The following GABRB1 variants were observed in gnomAD, a reference collection of about 807,000 sequenced individuals.
The protein encoded by GABRB1 is gamma-aminobutyric acid type A receptor subunit beta1.
In GABRB1, 17 loss-of-function variants were observed where a neutral mutation model predicts 51.6. The ratio of observed to expected loss-of-function variants is 0.33; its 90% CI spans 0.23 to 0.49. The LOEUF is 0.49. Ranked by LOEUF, GABRB1 falls within the 20% of genes least tolerant of loss-of-function variation. GABRB1 has a pLI of 0.99. For missense variants in GABRB1, 410 were observed against 600.6 expected (o/e 0.68, Z 3.32); for synonymous variants, 247 against 218.9 (o/e 1.13, Z -1.14).
At chr4:46,996,740 T>C (rs1002367994) in intron 1 of GABRB1, among the ~76,000 whole-genome samples, 1 of 152,194 alleles carries the variant, frequency 6.6e-6, no homozygotes, top group African/African-American at 2.4e-5. Flanking sequence ...AGATTGTAAG[T>C]CTCTTGCAGG....
intron 4 of GABRB1, among the ~76,000 whole-genome samples, chr4:47,272,571 C>T (rs1315044970): frequency 6.6e-6 from 1 of 151,884 alleles, no homozygotes; most frequent in African/African-American, 2.4e-5. Context: ...AGAAATTAAT[C>T]AGTGAAAATA....
intron 3 of GABRB1, among the ~76,000 whole-genome samples, chr4:47,049,216 G>C (rs1726237405): frequency 6.6e-6 from 1 of 152,142 alleles, no homozygotes; most frequent in Admixed American, 6.6e-5. Context: ...CGATTTGTTT[G>C]TTTGAGTTCA....
At chr4:47,154,163 A>G (rs1717580374) in intron 3 of GABRB1, among the ~76,000 whole-genome samples, 1 of 151,974 alleles carries the variant, frequency 6.6e-6, no homozygotes, top group Non-Finnish European at 1.5e-5. Flanking sequence ...TATTAGAAAC[A>G]GGTGTTTTGT....
At chr4:47,058,545 A>G (rs1726714937) in intron 3 of GABRB1, among the ~76,000 whole-genome samples, 2 of 152,140 alleles carry the variant, frequency 1.3e-5, no homozygotes, top group African/African-American at 4.8e-5. Context: ...GCTTTTGGGG[A>G]TATGATTCAC....
At chr4:47,335,373 T>C (rs1725660283) in intron 5 of GABRB1, among the ~76,000 whole-genome samples, 1 of 152,182 alleles carries the variant, frequency 6.6e-6, no homozygotes, top group Admixed American at 6.6e-5. Context: ...AGGGAAGGTA[T>C]GTTACATAAT....
At chr4:47,066,576 A>G (rs369408231) in intron 3 of GABRB1, among the ~76,000 whole-genome samples, 1 of 152,220 alleles carries the variant, frequency 6.6e-6, no homozygotes, top group African/African-American at 2.4e-5. Context: ...TTCATTTGGC[A>G]TAAATTCCAT....
At chr4:47,229,323 C>T (rs556459043) in intron 4 of GABRB1, among the ~76,000 whole-genome samples, 2 of 152,070 alleles carry the variant, frequency 1.3e-5, no homozygotes, top group Admixed American at 6.6e-5. Context: ...ATAAGAGGGG[C>T]CAAATGTATG....
Position 47,161,258 on chromosome 4 carries a change from C to T in GABRB1, c.250C>T (p.Leu84Phe), listed in dbSNP as rs770996032. ...TTTCTTTATTTCACAGGATTATACA[C>T]TCACCATGTATTTCCAGCAGTCTTG... ...MVSEVNMDYT[L>F]TMYFQQSWKD... Residue 84 changes from leucine (L) to phenylalanine (F), a missense_variant, in exon 4 of 9, where the codon CTC (leucine) becomes TTC (phenylalanine). Coordinates refer to ENST00000295454, the MANE Select transcript of GABRB1 (RefSeq NM_000812.4). 1.3e-6 allele frequency: 2 copies of T among 1,581,934 alleles called. No individual in the cohort carries two copies. Among genetic ancestry groups the T allele is most frequent in the Non-Finnish European group, 8.7e-7 (1 of 1,154,668 alleles).
intron 8 of GABRB1, among the ~76,000 whole-genome samples, chr4:47,417,004 A>G (rs1728946614): frequency 6.6e-6 from 1 of 152,188 alleles, no homozygotes; most frequent in African/African-American, 2.4e-5. Context: ...AAGTAGAGCA[A>G]TTTGGACCTA....
intron 5 of GABRB1, 51 bp downstream of exon 5, chr4:47,320,260 G>T (rs572503511): frequency 8.5e-7 from 1 of 1,181,814 alleles, no homozygotes; most frequent in East Asian, 2.3e-5. Context: ...CCTTGACCCA[G>T]TTGAATTCAA....
intron 3 of GABRB1, among the ~76,000 whole-genome samples, chr4:47,051,761 A>G (rs929405822): frequency 6.6e-6 from 1 of 152,206 alleles, no homozygotes; most frequent in African/African-American, 2.4e-5. Flanking sequence ...TGGACTTTTA[A>G]TAGTAGACGG....
At chr4:47,128,048 A>G (rs1716241296) in intron 3 of GABRB1, among the ~76,000 whole-genome samples, 1 of 151,788 alleles carries the variant, frequency 6.6e-6, no homozygotes. Context: ...CTATATATGA[A>G]TATTCCAGTG....
At position 47,425,959 on chromosome 4, in the gene GABRB1, T is replaced by A; in HGVS notation, c.1366T>A (p.Phe456Ile). ...VNSIDKWSRM[F>I]FPITFSLFNV... The stretch of plus-strand genomic sequence containing the variant: ...TTCCATAGACAAGTGGTCCCGAATG[T>A]TTTTCCCCATCACCTTTTCTCTTTT... Residue 456 changes from phenylalanine (F) to isoleucine (I), a missense_variant, in exon 9 of 9, where the codon TTT becomes ATT. Phe to Ile is a conservative substitution (Grantham distance 21, BLOSUM62 0). Around this residue, in one of 5 missense-constraint regions of GABRB1, gnomAD observed 181 missense variants for 195.6 expected, o/e 0.93. Coordinates refer to ENST00000295454, the MANE Select transcript of GABRB1 (RefSeq NM_000812.4). 1.9e-6 allele frequency: 3 copies of A among 1,612,420 alleles called. No individual in the cohort carries two copies. The highest frequency in any genetic ancestry group is 2.5e-6 in the Non-Finnish European group (3 of 1,178,814).
At chr4:47,166,126 C>T (rs938236077) in intron 4 of GABRB1, among the ~76,000 whole-genome samples, 38 of 152,156 alleles carry the variant, frequency 2.5e-4, no homozygotes, top group African/African-American at 8.7e-4. Flanking sequence ...AGACCCTCTG[C>T]TTATTTCTGT....
chr4:47,343,629 G>T (rs1054831967), intron 5 of GABRB1, among the ~76,000 whole-genome samples: 1 of 152,102 alleles, frequency 6.6e-6, no homozygotes, highest in East Asian at 1.9e-4. Flanking sequence ...TGAGAGAATG[G>T]CTGAGAATGA....
At chr4:47,069,836 C>A (rs1177627226) in intron 3 of GABRB1, among the ~76,000 whole-genome samples, 9 of 151,996 alleles carry the variant, frequency 5.9e-5, no homozygotes, top group Non-Finnish European at 1.2e-4. Flanking sequence ...GTTGACTATA[C>A]TCACAATCTC....
At chr4:47,144,049 C>T (rs752122276) in intron 3 of GABRB1, among the ~76,000 whole-genome samples, 6 of 151,880 alleles carry the variant, frequency 4.0e-5, no homozygotes, top group Non-Finnish European at 8.8e-5. Context: ...CTTAACCACA[C>T]TAAAGGAAGG....
chr4:47,096,254 T>C (rs1714425859), intron 3 of GABRB1, among the ~76,000 whole-genome samples: 1 of 152,150 alleles, frequency 6.6e-6, no homozygotes, highest in African/African-American at 2.4e-5. Context: ...ATTATTACTG[T>C]TTTTCCTTCC....
At chr4:47,247,981 T>C (rs1435135741) in intron 4 of GABRB1, among the ~76,000 whole-genome samples, 2 of 152,164 alleles carry the variant, frequency 1.3e-5, no homozygotes, top group African/African-American at 2.4e-5. Flanking sequence ...AATTCCTCTT[T>C]ACTGATTTGG....
Sources: allele counts gnomAD v4.1 joint callset (sites outside exome capture counted in the v4.1 genomes callset), GRCh38; gene constraint gnomAD v4.1.1; regional missense constraint gnomAD v4.1.1; transcripts MANE v1.5; gene names NCBI Gene and HGNC (gene_info 2026-07-23, HGNC 2026-07-21).